Variants in ATP10B observed in about 807,000 individuals in gnomAD.
ATP10B encodes ATPase phospholipid transporting 10B (putative), also known as phospholipid-transporting ATPase VB.
In ATP10B, 122 loss-of-function variants were observed where a neutral mutation model predicts 141.2. The ratio of observed to expected loss-of-function variants is 0.86; its 90% confidence interval spans 0.75 to 1.00. The LOEUF is 1.00. Ranked by LOEUF, ATP10B falls within the 50% of genes least tolerant of loss-of-function variation. ATP10B has a pLI of 0.00. For synonymous variants in ATP10B, 685 were observed against 692.0 expected (o/e 0.99, Z 0.16); for missense variants, 1,876 against 1,825.3 (o/e 1.03, Z -0.51).
intron 8 of ATP10B, among the ~76,000 whole-genome samples, chr5:160,644,604 C>A (rs186671495): frequency 9.2e-5 from 14 of 152,238 alleles, no homozygotes; most frequent in Non-Finnish European, 2.1e-4. Context: ...CCCACCAAAA[C>A]CAAGATGGTG....
the ATP10B span, among the ~76,000 whole-genome samples, chr5:160,869,013 T>C: frequency 6.6e-6 from 1 of 152,192 alleles, no homozygotes; most frequent in Non-Finnish European, 1.5e-5. Context: ...CTAATTTTGC[T>C]TCTGCCATCT....
intron 18 of ATP10B, among the ~76,000 whole-genome samples, chr5:160,607,427 T>C (rs1350915782): frequency 3.9e-5 from 6 of 152,242 alleles, no homozygotes; most frequent in Non-Finnish European, 7.3e-5. Context: ...TGGTGCTTTC[T>C]ATTTCTCACA....
At chr5:160,777,949 A>G (rs1312900500) in intron 2 of ATP10B, among the ~76,000 whole-genome samples, 1 of 149,752 alleles carries the variant, frequency 6.7e-6, no homozygotes. Flanking sequence ...AACCACCTAC[A>G]GAGACTGGGT....
At chr5:160,601,652 T>C (rs934958819) in intron 21 of ATP10B, among the ~76,000 whole-genome samples, 2 of 152,226 alleles carry the variant, frequency 1.3e-5, no homozygotes, top group African/African-American at 4.8e-5. Flanking sequence ...TAGGGCTATA[T>C]GTTTTTCAGA....
intron 1 of ATP10B, among the ~76,000 whole-genome samples, chr5:160,838,454 C>A (rs1775600651): frequency 6.6e-6 from 1 of 152,164 alleles, no homozygotes; most frequent in Non-Finnish European, 1.5e-5. Flanking sequence ...CTTCTGTTCT[C>A]TATTTGAGAG....
the ATP10B span, among the ~76,000 whole-genome samples, chr5:160,883,171 A>T: frequency 1.3e-5 from 2 of 152,216 alleles, no homozygotes; most frequent in Non-Finnish European, 2.9e-5. Context: ...TCGCTTAAGA[A>T]TCTCATACCC....
At chr5:160,653,298 A>G (rs1761058832) in intron 7 of ATP10B, among the ~76,000 whole-genome samples, 1 of 131,710 alleles carries the variant, frequency 7.6e-6, no homozygotes, top group African/African-American at 2.8e-5. Context: ...ATATATACAT[A>G]CGTACATACA....
intron 7 of ATP10B, among the ~76,000 whole-genome samples, chr5:160,663,745 A>T (rs1292100887): frequency 2.8e-4 from 42 of 151,870 alleles, no homozygotes; most frequent in African/African-American, 9.7e-4. Flanking sequence ...CATATGTAAC[A>T]AACCTGCACG....
intron 11 of ATP10B, among the ~76,000 whole-genome samples, 156 bp downstream of exon 11, chr5:160,636,026 T>A (rs1759340595): frequency 6.6e-6 from 1 of 152,252 alleles, no homozygotes; most frequent in South Asian, 2.1e-4. Context: ...AAAATGTGAA[T>A]ACTTTCAAAG....
chr5:160,804,924 C>T (rs550544002), intron 1 of ATP10B, among the ~76,000 whole-genome samples: 3 of 152,288 alleles, frequency 2.0e-5, no homozygotes, highest in South Asian at 4.1e-4. Flanking sequence ...TACCAAAGTC[C>T]TGCTGTCAGT....
intron 2 of ATP10B, among the ~76,000 whole-genome samples, chr5:160,722,205 A>C (rs1766043632): frequency 6.6e-6 from 1 of 152,236 alleles, no homozygotes; most frequent in Admixed American, 6.5e-5. Context: ...TTGGATTAAA[A>C]TTTGTGTTTA....
chr5:160,758,618 T>C (rs986925155), intron 2 of ATP10B, among the ~76,000 whole-genome samples: 2 of 152,220 alleles, frequency 1.3e-5, no homozygotes, highest in Non-Finnish European at 1.5e-5. Context: ...GTCTCTGTGA[T>C]AAACAGATGT....
At chr5:160,662,868 A>C (rs1302188573) in intron 7 of ATP10B, among the ~76,000 whole-genome samples, 4 of 152,218 alleles carry the variant, frequency 2.6e-5, no homozygotes, top group African/African-American at 9.6e-5. Flanking sequence ...CAACCTACAG[A>C]ATGGGAGAAA....
intron 3 of ATP10B, among the ~76,000 whole-genome samples, chr5:160,692,402 G>A (rs746252174): frequency 6.6e-6 from 1 of 152,220 alleles, no homozygotes; most frequent in African/African-American, 2.4e-5. Context: ...TCCTCACAGG[G>A]CTAACAAGAA....
intron 2 of ATP10B, among the ~76,000 whole-genome samples, chr5:160,782,014 T>C (rs573989032): frequency 1.3e-5 from 2 of 152,146 alleles, no homozygotes; most frequent in African/African-American, 4.8e-5. Flanking sequence ...TGCTGTGGGA[T>C]AGAAAGTATT....
chr5:160,784,316 T>C (rs1174162526), intron 2 of ATP10B, among the ~76,000 whole-genome samples: 1 of 152,144 alleles, frequency 6.6e-6, no homozygotes, highest in Non-Finnish European at 1.5e-5. Flanking sequence ...AATTTGAGAG[T>C]CCTTTTTAAT....
At chr5:160,822,607 A>G (rs1232774551) in intron 1 of ATP10B, among the ~76,000 whole-genome samples, 1 of 152,134 alleles carries the variant, frequency 6.6e-6, no homozygotes, top group Non-Finnish European at 1.5e-5. Context: ...TTGGGAAGCC[A>G]CCTAAGTATC....
At chr5:160,929,197 C>T in the ATP10B span, among the ~76,000 whole-genome samples, 37 of 152,182 alleles carry the variant, frequency 2.4e-4, no homozygotes, top group African/African-American at 8.0e-4. Flanking sequence ...CACCCCCAAG[C>T]CTTAGGATCT....
intron 1 of ATP10B, among the ~76,000 whole-genome samples, chr5:160,847,086 G>C (rs941948686): frequency 6.6e-6 from 1 of 152,136 alleles, no homozygotes; most frequent in Non-Finnish European, 1.5e-5. Flanking sequence ...TCAGTTTATA[G>C]ATAAGGAGAC....
Sources: gnomAD v4.1 joint callset for allele counts (sites outside exome capture counted in the v4.1 genomes callset) on GRCh38, gnomAD v4.1.1 for gene constraint, MANE v1.5 for transcripts, NCBI Gene and HGNC (gene_info 2026-07-23, HGNC 2026-07-21) for gene names.